The following ZNF527 variants were observed in gnomAD, a reference collection of about 807,000 sequenced individuals.
ZNF527 encodes the protein zinc finger protein 527.
Under a neutral mutation model 13.5 loss-of-function variants are expected in ZNF527, and 5 were observed. The observed-to-expected ratio is 0.37, with a 90% CI of 0.19 to 0.78. The LOEUF (loss-of-function observed/expected upper bound fraction) is 0.78. Among genes scored for constraint, ZNF527 ranks in the 30% least tolerant of loss-of-function variants. The pLI, the probability that ZNF527 is intolerant of heterozygous loss-of-function variation, is 0.48. For synonymous variants in ZNF527, 209 were observed against 243.1 expected, an observed-to-expected ratio of 0.86 and a Z score of 1.30; for missense variants, 628 against 726.4, an observed-to-expected ratio of 0.86 and a Z score of 1.56.
At chr19:37,375,311 T>TTTCTTTCTTTGTTTTCTTTCTTTCTTTC (rs760003304) in intron 2 of ZNF527, among the ~76,000 whole-genome samples, 3 of 79,838 alleles carry the variant, frequency 3.8e-5, no homozygotes, top group African/African-American at 1.7e-4. Context: ...TCTTTCTTTC[T>TTTCTTTCTTTGTTTTCTTTCTTTCTTTC]TTTCTTTCTT....
In ZNF527 at chr19:37,391,104, G is replaced by T. The variant is rs1367897087; in HGVS notation, c.*1225G>T. ...TGTCACAGTGACTCACCATTTGCCTGTAAAGAGAGAATGGAAAGCTAAGAG... is the reference window on the plus strand; with the variant it reads ...TGTCACAGTGACTCACCATTTGCCTTTAAAGAGAGAATGGAAAGCTAAGAG... On this transcript the variant is annotated 3_prime_UTR_variant, in exon 5 of 5. Transcript: ENST00000436120. The T allele has an allele frequency of 6.6e-6, 1 of 152,142 alleles. No individual in the cohort carries two copies. Among genetic ancestry groups the T allele is most frequent in the African/African-American group, 2.4e-5 (1 of 41,418 alleles). 9.4% of individuals were successfully genotyped at this position (152,142 alleles called of 1,614,324 possible).
At chr19:37,375,294 C>CTTTTCTTTCT (rs1305545666) in intron 2 of ZNF527, among the ~76,000 whole-genome samples, 2 of 104,192 alleles carry the variant, frequency 1.9e-5, no homozygotes, top group African/African-American at 8.5e-5. Context: ...TTCTTTCTTT[C>CTTTTCTTTCT]TTTCTTTCTT....
intron 1 of ZNF527, among the ~76,000 whole-genome samples, chr19:37,372,883 A>G (rs907090540): frequency 1.3e-5 from 2 of 152,158 alleles, no homozygotes; most frequent in Admixed American, 6.5e-5. Context: ...TGTTTCCCTC[A>G]GGCTGCATTT....
Position 37,388,989 on chromosome 19 carries a change from G to A in ZNF527, c.940G>A (p.Asp314Asn), listed in dbSNP as rs558190923. The change falls in exon 5 of 5, where the codon GAC (aspartate) becomes AAC (asparagine). Residue 314 changes from aspartate to asparagine, a missense_variant. Around this residue, in one of 3 missense-constraint regions of ZNF527, gnomAD observed 592 missense variants for 678.0 expected, o/e 0.87. Coordinates refer to ENST00000436120, the MANE Select transcript of ZNF527 (RefSeq NM_032453.2). ...TGACTGTGGAAAAGCCTTTAGCCAC[G>A]ACTTCTTTCTCAGTGAACATCAAAG... Reference protein sequence around the residue: ...CNDCGKAFSHDFFLSEHQRTH... With the variant: ...CNDCGKAFSHNFFLSEHQRTH... 2.0e-5 allele frequency: 33 copies of A among 1,613,918 alleles called. No individual in the cohort carries two copies. The Admixed American group carries it at 2.8e-4, about 14-fold the overall frequency.
chr19:37,384,895 T>C (rs2040685227), intron 4 of ZNF527: 1 of 701,806 alleles, frequency 1.4e-6, no homozygotes, highest in East Asian at 2.7e-5. Flanking sequence ...CAGGCTGGAG[T>C]GCAGTGGCAT....
In ZNF527 at chr19:37,371,556, T is replaced by G. The variant is rs376556267; in HGVS notation, c.-42+330T>G. Among the ~76,000 whole-genome samples the G allele has an allele frequency of 1.1e-4, 17 of 152,102 alleles. No individual in the cohort carries two copies. The East Asian group carries it at 1.4e-3, about 12-fold the overall frequency. Reference sequence around the variant, plus strand: ...GAGACTGGGGTGTGACATTGTGTGTTTGTGTAAATGCATGTGTGTGGTTAT... The same window carrying G: ...GAGACTGGGGTGTGACATTGTGTGTGTGTGTAAATGCATGTGTGTGGTTAT... On this transcript the variant is annotated intron_variant, in intron 1 of 4. Coordinates refer to ENST00000436120, the MANE Select transcript of ZNF527 (RefSeq NM_032453.2).
At position 37,374,177 on chromosome 19, in the gene ZNF527, A is replaced by G; in HGVS notation, c.-22A>G. On this transcript the variant is annotated 5_prime_UTR_variant, in exon 2 of 5. Transcript: ENST00000436120. ...TCTCAGGACTTTGTTCTTCTTCAGA[A>G]GAGAAAACTGAAGAAGGAGGAATGG... 6.2e-7 allele frequency: 1 copy of G among 1,612,418 alleles called. No homozygotes were observed. Among genetic ancestry groups the G allele is most frequent in the Non-Finnish European group, 8.5e-7 (1 of 1,178,498 alleles).
intron 1 of ZNF527, among the ~76,000 whole-genome samples, chr19:37,371,708 C>T (rs1257582722): frequency 6.6e-6 from 1 of 152,236 alleles, no homozygotes; most frequent in East Asian, 1.9e-4. Context: ...AGATGTGTGA[C>T]TTCTGTGGTA....
At chr19:37,379,790 T>C (rs1324567859) in intron 3 of ZNF527, 1 of 156,280 alleles carries the variant, frequency 6.4e-6, no homozygotes, top group Non-Finnish European at 1.4e-5. Context: ...GAGTTGGAAA[T>C]GAGTAGTTCC....
At chr19:37,379,460 C>CTTTTT (rs34967980) in intron 3 of ZNF527, 8 of 161,080 alleles carry the variant, frequency 5.0e-5, no homozygotes, top group African/African-American at 9.0e-5. Flanking sequence ...GAAGTAATTT[C>CTTTTT]TTTTTTTTTT....
At chr19:37,372,163 C>T (rs1486764640) in intron 1 of ZNF527, among the ~76,000 whole-genome samples, 1 of 151,956 alleles carries the variant, frequency 6.6e-6, no homozygotes, top group East Asian at 1.9e-4. Flanking sequence ...CCACGCCCAG[C>T]TAGTTTTTGT....
chr19:37,375,295 TTTCTTTC>T (rs1372846601), intron 2 of ZNF527, among the ~76,000 whole-genome samples: 5 of 108,808 alleles, frequency 4.6e-5, no homozygotes, highest in African/African-American at 2.0e-4. Context: ...TCTTTCTTTC[TTTCTTTC>T]TTTCTTTCTT....
intron 4 of ZNF527, chr19:37,385,179 T>C: frequency 2.2e-6 from 1 of 461,046 alleles, no homozygotes; most frequent in East Asian, 3.2e-5. Flanking sequence ...ATTCTGGGCA[T>C]TATTCATTTT....
intron 4 of ZNF527, 152 bp from the exon 5 acceptor site, chr19:37,388,154 G>T (rs1472859790): frequency 5.2e-6 from 4 of 773,492 alleles, no homozygotes; most frequent in Non-Finnish European, 8.2e-6. Flanking sequence ...ATTGTCTTTT[G>T]TTCATATTGC....
intron 1 of ZNF527, 35 bp downstream of exon 1, chr19:37,371,261 G>C (rs1220085750): frequency 6.6e-6 from 1 of 152,426 alleles, no homozygotes; most frequent in Non-Finnish European, 1.5e-5. Flanking sequence ...GGAGCGGGAA[G>C]TCAAGGGCGG....
intron 1 of ZNF527, 42 bp from the exon 2 acceptor site, chr19:37,374,116 G>T: frequency 1.4e-6 from 2 of 1,389,444 alleles, no homozygotes; most frequent in Non-Finnish European, 2.0e-6. Flanking sequence ...AAAAACACAG[G>T]GCTGGCACAT....
intron 4 of ZNF527, among the ~76,000 whole-genome samples, chr19:37,385,856 C>T (rs1239243746): frequency 6.6e-6 from 1 of 152,134 alleles, no homozygotes; most frequent in African/African-American, 2.4e-5. Flanking sequence ...ACTGCCTTCA[C>T]CTCAGGTTCT....
intron 3 of ZNF527, 186 bp from the exon 4 acceptor site, chr19:37,380,091 G>A (rs576430078): frequency 6.7e-6 from 8 of 1,190,610 alleles, no homozygotes; most frequent in African/African-American, 6.2e-5. Context: ...CCACTGTCAC[G>A]GCAGAAGCTT....
Position 37,389,506 on chromosome 19 carries a change from A to G in ZNF527, c.1457A>G (p.Asn486Ser), listed in dbSNP as rs1201733012. Residue 486 changes from asparagine (N) to serine (S), a missense_variant, in exon 5 of 5, where the codon AAT becomes AGT. By Grantham distance (46) the Asn-to-Ser change is conservative. Coordinates refer to ENST00000436120, the MANE Select transcript of ZNF527 (RefSeq NM_032453.2). ...GKFFRTDSQL[N>S]RHHRIHTGER... is the part of the protein sequence containing the mutation. Reference sequence around the variant, plus strand: ...TTTTTTAGGACTGACTCACAACTTAATCGACATCATAGAATTCACACTGGA... The same window carrying G: ...TTTTTTAGGACTGACTCACAACTTAGTCGACATCATAGAATTCACACTGGA... The G allele has an allele frequency of 2.5e-6, 4 of 1,614,098 alleles. No individual in the cohort carries two copies. In the South Asian group the frequency reaches 3.3e-5, roughly 13 times the overall value.
Sources: gnomAD v4.1 joint callset for allele counts (sites outside exome capture counted in the v4.1 genomes callset) on GRCh38, gnomAD v4.1.1 for gene constraint, gnomAD v4.1.1 regional missense constraint, MANE v1.5 for transcripts, NCBI Gene and HGNC (gene_info 2026-07-23, HGNC 2026-07-21) for gene names.